The following DHRS9 variants were observed in gnomAD, a reference collection of about 807,000 sequenced individuals.
The protein encoded by DHRS9 is dehydrogenase/reductase 9, also known as dehydrogenase/reductase SDR family member 9.
In DHRS9, 18 loss-of-function variants were observed where a neutral mutation model predicts 26.6. The observed-to-expected ratio is 0.68, with a 90% CI of 0.47 to 1.00. DHRS9 has a LOEUF of 1.00. DHRS9 is among the 50% of genes least tolerant of loss of function. The pLI is 0.00. For missense variants in DHRS9, 425 were observed against 378.7 expected (o/e 1.12, Z -1.01); for synonymous variants, 134 against 141.1 (o/e 0.95, Z 0.36).
intron 1 of DHRS9, among the ~76,000 whole-genome samples, chr2:169,079,441 T>C (rs1235702454): frequency 1.3e-5 from 2 of 152,072 alleles, no homozygotes; most frequent in Non-Finnish European, 2.9e-5. Flanking sequence ...AGTGTTATAA[T>C]CATTACTATC....
chr2:169,067,541 C>T (rs1007353333), upstream of DHRS9, among the ~76,000 whole-genome samples: 3 of 152,116 alleles, frequency 2.0e-5, no homozygotes, highest in African/African-American at 7.2e-5. Context: ...ACTTACATTC[C>T]ACCTACAAAC....
intron 3 of DHRS9, among the ~76,000 whole-genome samples, chr2:169,084,203 G>A (rs1218667909): frequency 6.6e-6 from 1 of 152,044 alleles, no homozygotes; most frequent in Non-Finnish European, 1.5e-5. Context: ...GTACTCCATT[G>A]TATATATATA....
At chr2:169,080,088 C>A (rs1320656252) in intron 1 of DHRS9, among the ~76,000 whole-genome samples, 1 of 151,974 alleles carries the variant, frequency 6.6e-6, no homozygotes. Context: ...CTTGGCCTCT[C>A]AGTTCCTTTT....
At chr2:169,068,468 G>A (rs1216953206), upstream of DHRS9, among the ~76,000 whole-genome samples, 1 of 152,124 alleles carries the variant, frequency 6.6e-6, no homozygotes, top group Non-Finnish European at 1.5e-5. Context: ...GGGATTACAG[G>A]TGCCCACCAC....
intron 4 of DHRS9, 53 bp from the exon 5 acceptor site, chr2:169,095,491 C>T: frequency 1.4e-6 from 2 of 1,456,620 alleles, no homozygotes; most frequent in Admixed American, 1.7e-5. Context: ...CCTAGACTTC[C>T]ACTCTGCTTT....
intron 4 of DHRS9, 76 bp from the exon 5 acceptor site, chr2:169,095,468 C>T (rs1574041169): frequency 8.7e-7 from 1 of 1,147,496 alleles, no homozygotes; most frequent in East Asian, 2.3e-5. Context: ...TGTATCCATC[C>T]TCCCCTTTGC....
intron 4 of DHRS9, among the ~76,000 whole-genome samples, chr2:169,093,975 TGA>T (rs1391086079): frequency 6.6e-6 from 1 of 152,214 alleles, no homozygotes; most frequent in Admixed American, 6.5e-5. Context: ...GAGAATCATA[TGA>T]TAGCTCTACT....
At chr2:169,091,116 C>CCTGAAGTCA (rs1684507952) in intron 3 of DHRS9, among the ~76,000 whole-genome samples, 1 of 152,066 alleles carries the variant, frequency 6.6e-6, no homozygotes, top group Admixed American at 6.5e-5. Context: ...TGTGACCCCA[C>CCTGAAGTCA]AGGAACATCT....
intron 1 of DHRS9, among the ~76,000 whole-genome samples, chr2:169,079,151 T>C (rs1404293725): frequency 6.6e-6 from 1 of 152,062 alleles, no homozygotes; most frequent in South Asian, 2.1e-4. Context: ...CCGGCTGAAC[T>C]GACAATTCTT....
intron 1 of DHRS9, among the ~76,000 whole-genome samples, chr2:169,076,151 C>T (rs1683956625): frequency 6.6e-6 from 1 of 151,950 alleles, no homozygotes; most frequent in Non-Finnish European, 1.5e-5. Context: ...TCCATTTATC[C>T]TTATTTATTG....
chr2:169,093,359 T>A (rs1414517778), intron 4 of DHRS9, among the ~76,000 whole-genome samples: 1 of 142,670 alleles, frequency 7.0e-6, no homozygotes, highest in African/African-American at 2.7e-5. Context: ...CACACACACA[T>A]GCACACACAC....
intron 1 of DHRS9, among the ~76,000 whole-genome samples, chr2:169,078,260 G>A (rs1026764204): frequency 3.3e-5 from 5 of 152,182 alleles, no homozygotes; most frequent in African/African-American, 4.8e-5. Context: ...CCTTACTAAT[G>A]TATGACATTA....
chr2:169,092,837 A>C (rs1206274313), intron 4 of DHRS9, among the ~76,000 whole-genome samples: 1 of 152,208 alleles, frequency 6.6e-6, no homozygotes, highest in Non-Finnish European at 1.5e-5. Flanking sequence ...AGTGCTTTAC[A>C]GGGACACTCA....
At chr2:169,071,034 A>G (rs1683788010) in intron 1 of DHRS9, among the ~76,000 whole-genome samples, 1 of 151,988 alleles carries the variant, frequency 6.6e-6, no homozygotes, top group Non-Finnish European at 1.5e-5. Context: ...ACTGCACTCC[A>G]GCCTGGGCGA....
chr2:169,091,858 C>A lies in DHRS9; in HGVS notation c.641C>A (p.Ala214Glu), dbSNP rs527348674. 6.2e-7 allele frequency: 1 copy of A among 1,613,954 alleles called. No homozygotes were observed. The highest frequency in any genetic ancestry group is 1.7e-4 in the Middle Eastern group (1 of 6,060). ...IEPGLFKTNL[A>E]DPVKVIEKKL... ...CCAGGATTGTTCAAAACAAACTTGG[C>A]AGATCCAGTAAAGGTAATTGAAAAA... is the stretch of plus-strand genomic sequence containing the variant. Residue 214 changes from alanine to glutamate, a missense_variant, in exon 4 of 5, where the codon GCA (alanine) becomes GAA (glutamate). Coordinates refer to ENST00000674881, the MANE Select transcript of DHRS9 (RefSeq NM_001376924.1).
intron 1 of DHRS9, among the ~76,000 whole-genome samples, chr2:169,073,249 G>C (rs1257798825): frequency 4.6e-5 from 7 of 152,196 alleles, no homozygotes; most frequent in African/African-American, 1.7e-4. Flanking sequence ...AGAACAGAAT[G>C]GTCTGGGTAT....
chr2:169,067,457 A>G (rs1683677334), upstream of DHRS9, among the ~76,000 whole-genome samples: 1 of 152,232 alleles, frequency 6.6e-6, no homozygotes, highest in Non-Finnish European at 1.5e-5. Context: ...TGGGAGGCAT[A>G]CAGATTCAGA....
intron 4 of DHRS9, 64 bp downstream of exon 4, chr2:169,092,017 T>G: frequency 1.3e-6 from 2 of 1,526,294 alleles, no homozygotes; most frequent in East Asian, 4.6e-5. Context: ...TGAAGGAGAT[T>G]CAAATACAGA....
intron 1 of DHRS9, among the ~76,000 whole-genome samples, chr2:169,078,133 G>C (rs1178495512): frequency 6.6e-6 from 1 of 152,168 alleles, no homozygotes; most frequent in East Asian, 1.9e-4. Context: ...CAGTGACCTT[G>C]GCAAATCACT....
Sources: gnomAD v4.1 joint callset for allele counts (sites outside exome capture counted in the v4.1 genomes callset) on GRCh38, gnomAD v4.1.1 for gene constraint, MANE v1.5 for transcripts, NCBI Gene and HGNC (gene_info 2026-07-23, HGNC 2026-07-21) for gene names.